The following OSBPL2 variants were observed in gnomAD, a reference collection of about 807,000 sequenced individuals.
OSBPL2 encodes oxysterol-binding protein-related protein 2.
OSBPL2 carries 18 observed loss-of-function variants against 58.4 expected under a neutral mutation model. The ratio of observed to expected loss-of-function variants is 0.31; its 90% CI spans 0.21 to 0.46. The LOEUF is 0.46. Among genes scored for constraint, OSBPL2 ranks in the 20% least tolerant of loss-of-function variants. The pLI is 1.00. For missense variants in OSBPL2, 461 were observed against 616.5 expected, an observed-to-expected ratio of 0.75 and a Z score of 2.67; for synonymous variants, 221 against 234.1, an observed-to-expected ratio of 0.94 and a Z score of 0.51.
At chr20:62,265,257 A>G (rs1981589674) in intron 4 of OSBPL2, among the ~76,000 whole-genome samples, 1 of 152,136 alleles carries the variant, frequency 6.6e-6, no homozygotes, top group South Asian at 2.1e-4. Context: ...ATTTATTTGT[A>G]TTAGTATGAA....
chr20:62,253,043 A>C (rs1980670283), intron 1 of OSBPL2, among the ~76,000 whole-genome samples: 1 of 152,282 alleles, frequency 6.6e-6, no homozygotes, highest in Non-Finnish European at 1.5e-5. Context: ...GAAACTGGAC[A>C]AACCTGGGCT....
At position 62,293,778 on chromosome 20, in the gene OSBPL2, C is replaced by G. The variant is rs1983681252; in HGVS notation, c.1341-7C>G. On this transcript the variant is annotated splice_region_variant and splice_polypyrimidine_tract_variant and intron_variant, in intron 13 of 13. Transcript: ENST00000313733. ...ATCTTCTGACCCCCCTCCCTTGTAT[C>G]CGGCAGGTGGTTCTACCCAGGCAAT... 6.2e-7 allele frequency: 1 copy of G among 1,612,792 alleles called. No individual in the cohort carries two copies. Among genetic ancestry groups the G allele is most frequent in the Non-Finnish European group, 8.5e-7 (1 of 1,179,542 alleles).
In OSBPL2 at chr20:62,269,038, G is replaced by A. The variant is rs183652579; in HGVS notation, c.259-3087G>A. ...CACACCATTGCACTGCTGCCTAGGC[G>A]ACAGTGTGAGACTCCAACTCAAAAA... is the stretch of plus-strand genomic sequence containing the variant. On this transcript the variant is annotated intron_variant, in intron 4 of 13. Transcript: ENST00000313733. The surrounding 1 kb of genome is among the most constrained non-coding windows in gnomAD (Gnocchi z 4.2). 3.0e-4 allele frequency among the ~76,000 whole-genome samples: 46 copies of A among 151,520 alleles called. No homozygotes were observed. Among genetic ancestry groups the A allele is most frequent in the Admixed American group, 9.2e-4 (14 of 15,212 alleles).
rs1169203682 is a variant in OSBPL2, at chr20:62,295,722, C to T, written c.*1835C>T. On this transcript the variant is annotated 3_prime_UTR_variant, in exon 14 of 14. Coordinates refer to ENST00000313733, the MANE Select transcript of OSBPL2 (RefSeq NM_144498.4). The surrounding 1 kb of genome is among the most constrained non-coding windows in gnomAD (Gnocchi z 4.8). ...CCAGGTGCCTCTGGTGGAGGGTCAT[C>T]TGCTTTTCCAGACTGTGGTTGTGAA... 6.6e-6 allele frequency: 1 copy of T among 152,208 alleles called. No individual in the cohort carries two copies. The highest frequency in any genetic ancestry group is 1.5e-5 in the Non-Finnish European group (1 of 68,044). The allele number at this position is 152,208 out of a possible 1,614,324, so 9.4% of individuals were successfully genotyped here.
In OSBPL2 at chr20:62,284,374, AT is replaced by A. The variant is rs11306058; in HGVS notation, c.996+219del. ...AGGGGGTTTATCTGTATTTCTTTCC[AT>A]TTTTTTTTTTTTTCCCCTCCAGGCA... is the stretch of plus-strand genomic sequence containing the variant. On this transcript the variant is annotated intron_variant, in intron 10 of 13. Coordinates refer to ENST00000313733, the MANE Select transcript of OSBPL2 (RefSeq NM_144498.4). 0.45 allele frequency: 202,974 copies of A among 452,664 alleles called. 20,903 individuals are homozygous for A. Among genetic ancestry groups the A allele is most frequent in the Admixed American group, 0.51 (14,328 of 27,936 alleles). 28.0% of individuals were successfully genotyped at this position (452,664 alleles called of 1,614,324 possible).
At chr20:62,280,694 C>G (rs1982723626) in intron 7 of OSBPL2, among the ~76,000 whole-genome samples, 1 of 152,210 alleles carries the variant, frequency 6.6e-6, no homozygotes, top group Non-Finnish European at 1.5e-5. Flanking sequence ...TGTGCCAGCT[C>G]CCCAGAAAGC....
intron 4 of OSBPL2, among the ~76,000 whole-genome samples, chr20:62,265,427 T>G (rs1419074654): frequency 6.6e-6 from 1 of 152,182 alleles, no homozygotes; most frequent in Non-Finnish European, 1.5e-5. Context: ...AACACTTATT[T>G]CAGGCACTAA....
At chr20:62,264,717 AG>A (rs1330354071) in intron 4 of OSBPL2, 1 of 152,206 alleles carries the variant, frequency 6.6e-6, no homozygotes, top group African/African-American at 2.4e-5. Flanking sequence ...GAATAACCAT[AG>A]GTCAGTGACC....
At chr20:62,239,769 C>T (rs966885354) in intron 1 of OSBPL2, among the ~76,000 whole-genome samples, 1 of 152,216 alleles carries the variant, frequency 6.6e-6, no homozygotes, top group Non-Finnish European at 1.5e-5. Context: ...AACTCGTGCC[C>T]ATGGCCTCTT....
intron 4 of OSBPL2, among the ~76,000 whole-genome samples, chr20:62,264,007 G>A (rs2068685796): frequency 6.7e-6 from 1 of 149,098 alleles, no homozygotes; most frequent in South Asian, 2.1e-4. Context: ...GGAGGTTGCA[G>A]TGAGCCGAGA....
chr20:62,255,975 G>T, intron 1 of OSBPL2, 82 bp from the exon 2 acceptor site: 1 of 510,554 alleles, frequency 2.0e-6, no homozygotes, highest in Non-Finnish European at 3.5e-6. Context: ...TTGATTTTAG[G>T]ATGGTGAATG....
chr20:62,257,358 T>C (rs1256694892), intron 2 of OSBPL2, among the ~76,000 whole-genome samples: 1 of 152,236 alleles, frequency 6.6e-6, no homozygotes, highest in Non-Finnish European at 1.5e-5. Flanking sequence ...CTTACTCTTA[T>C]CCAAAACCCC....
At chr20:62,261,763 A>G (rs1283592113) in intron 3 of OSBPL2, among the ~76,000 whole-genome samples, 3 of 151,880 alleles carry the variant, frequency 2.0e-5, no homozygotes, top group African/African-American at 7.3e-5. Flanking sequence ...GCATTTGTGT[A>G]TATGTGTATT....
intron 2 of OSBPL2, among the ~76,000 whole-genome samples, chr20:62,257,065 G>A (rs1980974374): frequency 6.6e-6 from 1 of 152,254 alleles, no homozygotes; most frequent in South Asian, 2.1e-4. Context: ...GTGGCCGCAG[G>A]CCAGGAATTA....
In OSBPL2 at chr20:62,269,891, C is replaced by T. The variant is rs1430721016; in HGVS notation, c.259-2234C>T. 6.6e-6 allele frequency among the ~76,000 whole-genome samples: 1 copy of T among 152,216 alleles called. No homozygotes were observed. Among genetic ancestry groups the T allele is most frequent in the East Asian group, 1.9e-4 (1 of 5,200 alleles). On this transcript the variant is annotated intron_variant, in intron 4 of 13. Coordinates refer to ENST00000313733, the MANE Select transcript of OSBPL2 (RefSeq NM_144498.4). The surrounding 1 kb of genome is among the most constrained non-coding windows in gnomAD (Gnocchi z 4.2). The stretch of plus-strand genomic sequence containing the variant: ...CCTCAGTTGGAATCCAGTTCTAGCC[C>T]CTCCTAAGCCCACAGTCCCCGTGTG...
In OSBPL2 at chr20:62,296,001, G is replaced by C. The variant is rs1485397377; in HGVS notation, c.*2114G>C. ...CCTTGAGGACAGACACCAAACCAGA[G>C]GTGGAGGAAGAACGGTAGGAAGGCT... On this transcript the variant is annotated 3_prime_UTR_variant, in exon 14 of 14. Coordinates refer to ENST00000313733, the MANE Select transcript of OSBPL2 (RefSeq NM_144498.4). 2 of 152,260 alleles carry C rather than the reference G, an allele frequency of 1.3e-5. No homozygotes were observed. The highest frequency in any genetic ancestry group is 2.9e-5 in the Non-Finnish European group (2 of 68,042). The allele number at this position is 152,260 out of a possible 1,614,324, so 9.4% of individuals were successfully genotyped here.
intron 2 of OSBPL2, among the ~76,000 whole-genome samples, chr20:62,256,436 A>G (rs191029090): frequency 1.3e-5 from 2 of 152,282 alleles, no homozygotes; most frequent in African/African-American, 4.8e-5. Context: ...AAGTCTCCCG[A>G]AGAGTTTCCT....
chr20:62,286,663 C>T lies in OSBPL2; in HGVS notation c.1077C>T (p.Gly359=), dbSNP rs1489805365. 6.2e-7 allele frequency: 1 copy of T among 1,613,706 alleles called. No homozygotes were observed. The highest frequency in any genetic ancestry group is 1.7e-5 in the Admixed American group (1 of 60,034). The change falls in exon 11 of 14, where the codon GGC becomes GGT. Residue 359 remains glycine (G), a synonymous_variant. Transcript: ENST00000313733. The stretch of plus-strand genomic sequence containing the variant: ...AGGAGACCGTGCAGGTCATTCCTGG[C>T]AGCAAGCTGCTCTGGAGGATCAACA... ...VAQETVQVIP[G]SKLLWRINTR...
rs149417240 is a variant in OSBPL2, at chr20:62,268,049, A to ATT, written c.259-4056_259-4055dup. Among the ~76,000 whole-genome samples the ATT allele has an allele frequency of 9.9e-3, 1,144 of 116,126 alleles. 18 individuals are homozygous for ATT. Among genetic ancestry groups the ATT allele is most frequent in the East Asian group, 0.058 (223 of 3,824 alleles). The allele number at this position is 116,126 out of a possible 152,430, so 76.2% of individuals were successfully genotyped here. On this transcript the variant is annotated intron_variant, in intron 4 of 13. Coordinates refer to ENST00000313733, the MANE Select transcript of OSBPL2 (RefSeq NM_144498.4). Reference sequence around the variant, plus strand: ...AGGCGCCTGCCACCGTGCCCGGCTAATTTTTTTTTTTTTTTTTTTTTGTAT... The same window carrying ATT: ...AGGCGCCTGCCACCGTGCCCGGCTAATTTTTTTTTTTTTTTTTTTTTTTGTAT...
Sources: allele counts gnomAD v4.1 joint callset (sites outside exome capture counted in the v4.1 genomes callset), GRCh38; gene constraint gnomAD v4.1.1; non-coding constraint Gnocchi (gnomAD v3.1); transcripts MANE v1.5; gene names NCBI Gene and HGNC (gene_info 2026-07-23, HGNC 2026-07-21).